JAK1: variants seen among roughly 807,000 people sequenced by gnomAD.
JAK1 encodes tyrosine-protein kinase JAK1.
JAK1 carries 16 observed loss-of-function variants against 136.6 expected under a neutral mutation model. The observed-to-expected ratio is 0.12, with a 90% confidence interval of 0.08 to 0.18. The LOEUF (loss-of-function observed/expected upper bound fraction) is 0.18. JAK1 is among the 10% of genes least tolerant of loss of function. JAK1 has a pLI of 1.00. For synonymous variants in JAK1, 492 were observed against 519.5 expected (o/e 0.95, Z 0.72); for missense variants, 859 against 1,450.1 (o/e 0.59, Z 6.62).
chr1:64,879,245 A>C, intron 3 of JAK1, 97 bp from the exon 4 acceptor site: 2 of 1,413,696 alleles, frequency 1.4e-6, no homozygotes, highest in Non-Finnish European at 9.7e-7. Context: ...GAACTCTCTC[A>C]TCCACAAAGA....
At chr1:65,001,910 C>T (rs374354026) in intron 2 of JAK1, among the ~76,000 whole-genome samples, 1 of 151,940 alleles carries the variant, frequency 6.6e-6, no homozygotes, top group East Asian at 1.9e-4. Flanking sequence ...AGAATGACTG[C>T]GCAGGTCTCC....
intron 1 of JAK1, among the ~76,000 whole-genome samples, chr1:64,961,740 G>A (rs1362760922): frequency 1.3e-5 from 2 of 151,846 alleles, no homozygotes; most frequent in African/African-American, 2.4e-5. Context: ...ACTCCTGAAG[G>A]CCCAACTCAA....
intron 1 of JAK1, among the ~76,000 whole-genome samples, chr1:64,925,582 A>C (rs931127519): frequency 6.6e-6 from 1 of 152,138 alleles, no homozygotes; most frequent in Non-Finnish European, 1.5e-5. Flanking sequence ...AGGCTTCCTG[A>C]CCTCAAAAAT....
chr1:65,031,493 G>A (rs1246703395), intron 2 of JAK1, among the ~76,000 whole-genome samples: 1 of 152,192 alleles, frequency 6.6e-6, no homozygotes, highest in Non-Finnish European at 1.5e-5. Context: ...GAAGATTACA[G>A]AGATGAGACA....
At chr1:65,055,624 A>G (rs976006810) in intron 1 of JAK1, among the ~76,000 whole-genome samples, 1 of 152,154 alleles carries the variant, frequency 6.6e-6, no homozygotes, top group Non-Finnish European at 1.5e-5. Flanking sequence ...CCAAACACAC[A>G]CTGTGTTTTA....
intron 2 of JAK1, among the ~76,000 whole-genome samples, chr1:65,008,285 G>A: frequency 6.6e-6 from 1 of 152,200 alleles, no homozygotes; most frequent in Non-Finnish European, 1.5e-5. Flanking sequence ...AATGTGTATG[G>A]TGTGTCCTAG....
intron 2 of JAK1, among the ~76,000 whole-genome samples, chr1:64,981,469 G>A (rs1423018375): frequency 6.6e-6 from 1 of 152,156 alleles, no homozygotes. Flanking sequence ...CTCACTGATT[G>A]GTCTGTTGAG....
chr1:64,900,577 A>C (rs974306725), intron 1 of JAK1, among the ~76,000 whole-genome samples: 1 of 152,130 alleles, frequency 6.6e-6, no homozygotes, highest in African/African-American at 2.4e-5. Context: ...AGCAAGCCCT[A>C]ATCGTTCTAA....
At chr1:64,994,923 GACACCAT>G (rs1459806224) in intron 2 of JAK1, 1 of 140,622 alleles carries the variant, frequency 7.1e-6, no homozygotes, top group Non-Finnish European at 1.5e-5. Flanking sequence ...AGTAAGACGT[GACACCAT>G]ACATGTGAAA....
intron 1 of JAK1, among the ~76,000 whole-genome samples, chr1:64,951,432 C>T (rs771169417): frequency 1.2e-4 from 18 of 152,098 alleles, no homozygotes; most frequent in Non-Finnish European, 2.2e-4. Context: ...CTAAATAAGT[C>T]TCTTCACAGG....
chr1:64,881,843 G>A (rs956755447), intron 3 of JAK1, among the ~76,000 whole-genome samples: 1 of 152,082 alleles, frequency 6.6e-6, no homozygotes, highest in Non-Finnish European at 1.5e-5. Context: ...CTTACAAACT[G>A]AGTGAGGTTT....
At chr1:65,044,582 C>A (rs960141841) in exon 2 of JAK1, among the ~76,000 whole-genome samples, 1 of 152,168 alleles carries the variant, frequency 6.6e-6, no homozygotes, top group Non-Finnish European at 1.5e-5. Flanking sequence ...AACCACTGCA[C>A]CTGTGTGGTG....
intron 17 of JAK1, among the ~76,000 whole-genome samples, chr1:64,842,868 CATT>C (rs1222960025): frequency 6.6e-6 from 1 of 152,202 alleles, no homozygotes; most frequent in East Asian, 1.9e-4. Context: ...CCTGCACCAT[CATT>C]AACTGGCAAG....
intron 1 of JAK1, among the ~76,000 whole-genome samples, chr1:64,950,101 G>A (rs990122466): frequency 9.2e-5 from 14 of 152,142 alleles, no homozygotes; most frequent in African/African-American, 3.1e-4. Flanking sequence ...TAACAGCTTC[G>A]TGTAGGAGTA....
At chr1:65,049,265 A>C (rs1214168018) in intron 1 of JAK1, among the ~76,000 whole-genome samples, 2 of 152,128 alleles carry the variant, frequency 1.3e-5, no homozygotes, top group Admixed American at 1.3e-4. Flanking sequence ...CTACAGAAAA[A>C]TTTAAAAATC....
chr1:64,964,385 T>C (rs922992428), intron 1 of JAK1, among the ~76,000 whole-genome samples: 1 of 152,252 alleles, frequency 6.6e-6, no homozygotes, highest in Admixed American at 6.5e-5. Flanking sequence ...TCTCTTGTTC[T>C]CTCTACACAA....
At chr1:64,974,009 A>T (rs943813568) in intron 2 of JAK1, 3 of 152,242 alleles carry the variant, frequency 2.0e-5, no homozygotes, top group Non-Finnish European at 2.9e-5. Flanking sequence ...AAGCAAATGA[A>T]TCATGTATGT....
chr1:65,056,596 G>A (rs1239258593), intron 1 of JAK1, among the ~76,000 whole-genome samples: 1 of 152,130 alleles, frequency 6.6e-6, no homozygotes. Context: ...CAGTTGGCAG[G>A]GCTGATAGTA....
chr1:64,850,371 C>T (rs1269558155), intron 12 of JAK1, among the ~76,000 whole-genome samples: 4 of 152,216 alleles, frequency 2.6e-5, no homozygotes, highest in African/African-American at 9.7e-5. Flanking sequence ...CCTCTTGTTC[C>T]CTCCCTGTGT....
Sources: gnomAD v4.1 joint callset for allele counts (sites outside exome capture counted in the v4.1 genomes callset) on GRCh38, gnomAD v4.1.1 for gene constraint, MANE v1.5 for transcripts, NCBI Gene and HGNC (gene_info 2026-07-23, HGNC 2026-07-21) for gene names.